PCDH11Y: variants seen among roughly 807,000 people sequenced by gnomAD.
PCDH11Y encodes the protein protocadherin 11 Y-linked, also known as protocadherin-11 Y-linked.
For synonymous variants in PCDH11Y, 9 were observed against 83.6 expected (o/e 0.11, Z 4.87); for missense variants, 12 against 224.8 (o/e 0.05, Z 6.05).
intron 1 of PCDH11Y, among the ~76,000 whole-genome samples, chrY:5,031,363 T>A (rs377264736): frequency 3.1e-5 from 1 of 32,502 alleles, no homozygotes; most frequent in East Asian, 8.1e-4. Context: ...TTCATAGCCA[T>A]TTATAATACA....
chrY:5,292,648 G>A (rs1451136102), intron 2 of PCDH11Y, among the ~76,000 whole-genome samples: 210 of 32,723 alleles, frequency 6.4e-3, no homozygotes, highest in Non-Finnish European at 0.011. Flanking sequence ...TTTCTTAGTC[G>A]GGCTACAGAT....
At chrY:5,288,944 T>C (rs2053063775) in intron 2 of PCDH11Y, among the ~76,000 whole-genome samples, 1 of 32,824 alleles carries the variant, frequency 3.0e-5, no homozygotes, top group African/African-American at 1.2e-4. Flanking sequence ...TTTTTTGTTC[T>C]TCTAAAAATC....
chrY:5,682,559 T>C (rs2053559622), intron 4 of PCDH11Y, among the ~76,000 whole-genome samples: 1 of 28,100 alleles, frequency 3.6e-5, no homozygotes, highest in Non-Finnish European at 8.3e-5. Flanking sequence ...ATGGTGTTAA[T>C]CCTTTTATGA....
chrY:5,685,298 A>T, intron 4 of PCDH11Y, among the ~76,000 whole-genome samples: 1 of 31,242 alleles, frequency 3.2e-5, no homozygotes, highest in African/African-American at 1.2e-4. Context: ...ATTAAAAAAA[A>T]GAAGTTGGCT....
intron 2 of PCDH11Y, among the ~76,000 whole-genome samples, chrY:5,205,949 A>T (rs2052931976): frequency 3.1e-5 from 1 of 31,886 alleles, no homozygotes; most frequent in Non-Finnish European, 7.5e-5. Flanking sequence ...TGTATATTCA[A>T]CAAAGATTTA....
chrY:5,016,178 T>G, intron 1 of PCDH11Y, among the ~76,000 whole-genome samples: 3 of 33,685 alleles, frequency 8.9e-5, no homozygotes, highest in Non-Finnish European at 1.5e-4. Context: ...GGAAGTAACT[T>G]AAAACACAAA....
chrY:5,011,884 A>G, intron 1 of PCDH11Y, among the ~76,000 whole-genome samples: 1 of 29,312 alleles, frequency 3.4e-5, no homozygotes, highest in East Asian at 8.6e-4. Context: ...TAGCAGGGTT[A>G]GGAAAACAAC....
chrY:5,033,683 TA>T (rs2052594339), intron 3 of PCDH11Y, among the ~76,000 whole-genome samples: 1 of 30,174 alleles, frequency 3.3e-5, no homozygotes, highest in African/African-American at 1.3e-4. Context: ...AGAAATCTCT[TA>T]AAAGTTCTAA....
intron 4 of PCDH11Y, among the ~76,000 whole-genome samples, chrY:5,715,127 A>C: frequency 3.0e-5 from 1 of 33,826 alleles, no homozygotes; most frequent in African/African-American, 1.2e-4. Context: ...ATATTCAACT[A>C]TACCGAAGAT....
At chrY:5,550,926 A>G (rs2124694054) in intron 3 of PCDH11Y, among the ~76,000 whole-genome samples, 1 of 32,140 alleles carries the variant, frequency 3.1e-5, no homozygotes, top group East Asian at 8.2e-4. Context: ...ATTAGTCTGA[A>G]TGAACCCAAG....
chrY:5,218,105 T>A, intron 2 of PCDH11Y, among the ~76,000 whole-genome samples: 1 of 33,021 alleles, frequency 3.0e-5, no homozygotes, highest in African/African-American at 1.2e-4. Context: ...TACATATTTT[T>A]AAAAATATTA....
At chrY:5,277,648 AT>A (rs2053045892) in intron 2 of PCDH11Y, among the ~76,000 whole-genome samples, 1 of 33,813 alleles carries the variant, frequency 3.0e-5, no homozygotes, top group Non-Finnish European at 7.3e-5. Flanking sequence ...TATTTCATGT[AT>A]TCTAATGTTA....
chrY:5,445,226 C>G, intron 2 of PCDH11Y, among the ~76,000 whole-genome samples: 1 of 28,826 alleles, frequency 3.5e-5, no homozygotes, highest in Non-Finnish European at 8.3e-5. Flanking sequence ...CTTAATAAAG[C>G]TTTTAAAAAT....
intron 4 of PCDH11Y, among the ~76,000 whole-genome samples, chrY:5,679,110 G>A: frequency 3.1e-5 from 1 of 32,590 alleles, no homozygotes; most frequent in Non-Finnish European, 7.5e-5. Context: ...GCTAGGCTGG[G>A]CTTAGAGTCA....
intron 3 of PCDH11Y, among the ~76,000 whole-genome samples, chrY:5,516,234 CAT>C (rs2053372493): frequency 6.9e-4 from 23 of 33,236 alleles, no homozygotes; most frequent in African/African-American, 2.7e-3. Context: ...AAATTTTATA[CAT>C]GTTTATAATT....
At chrY:5,460,951 A>G in intron 2 of PCDH11Y, among the ~76,000 whole-genome samples, 4 of 33,033 alleles carry the variant, frequency 1.2e-4, no homozygotes, top group Non-Finnish European at 3.0e-4. Flanking sequence ...TCCAATATGT[A>G]TTTTCTACGG....
At chrY:5,345,640 T>A in intron 2 of PCDH11Y, among the ~76,000 whole-genome samples, 1 of 32,669 alleles carries the variant, frequency 3.1e-5, no homozygotes, top group Non-Finnish European at 7.5e-5. Context: ...GCTTCTAAAA[T>A]TTTTTTTGTT....
At chrY:5,322,148 CAGTT>C (rs2053113691) in intron 2 of PCDH11Y, among the ~76,000 whole-genome samples, 254 of 32,092 alleles carry the variant, frequency 7.9e-3, no homozygotes, top group African/African-American at 0.028. Flanking sequence ...AATTAATACT[CAGTT>C]AATACATAAA....
chrY:5,127,015 T>C, intron 2 of PCDH11Y, among the ~76,000 whole-genome samples: 1 of 32,175 alleles, frequency 3.1e-5, no homozygotes, highest in African/African-American at 1.2e-4. Context: ...GGACAATTTG[T>C]TTAAAATTGT....
Sources: allele counts gnomAD v4.1 joint callset (sites outside exome capture counted in the v4.1 genomes callset), GRCh38; gene constraint gnomAD v4.1.1; transcripts MANE v1.5; gene names NCBI Gene and HGNC (gene_info 2026-07-23, HGNC 2026-07-21).